Variants in MAPK6 observed in about 807,000 individuals in gnomAD.
MAPK6 encodes mitogen-activated protein kinase 6, also known as ERK-3.
A neutral mutation model predicts 59.3 loss-of-function variants in MAPK6; 19 were observed. That is an observed-to-expected ratio of 0.32 (90% confidence interval 0.22 to 0.47). The LOEUF is 0.47. MAPK6 is among the 20% of genes least tolerant of loss of function. MAPK6 has a pLI of 1.00. For synonymous variants in MAPK6, 316 were observed against 290.3 expected, an observed-to-expected ratio of 1.09 and a Z score of -0.90; for missense variants, 724 against 847.9, an observed-to-expected ratio of 0.85 and a Z score of 1.81.
chr15:52,029,806 GCCA>G (rs1386860498), intron 1 of MAPK6, among the ~76,000 whole-genome samples: 2 of 152,134 alleles, frequency 1.3e-5, no homozygotes, highest in African/African-American at 4.8e-5. Context: ...CTTAGTCTCA[GCCA>G]CCATTATGTC....
At chr15:51,994,109 C>T (rs137864646) in intron 2 of MAPK6, among the ~76,000 whole-genome samples, 4 of 152,082 alleles carry the variant, frequency 2.6e-5, no homozygotes, top group South Asian at 2.1e-4. Context: ...TACAGGCATT[C>T]GCCAACATGC....
chr15:51,987,189 T>G (rs927011587), intron 2 of MAPK6, among the ~76,000 whole-genome samples: 5 of 152,210 alleles, frequency 3.3e-5, no homozygotes, highest in Non-Finnish European at 7.3e-5. Context: ...TTAAGAAAAG[T>G]CTAGATTACT....
At chr15:52,058,224 T>C (rs2032057767) in intron 3 of MAPK6, among the ~76,000 whole-genome samples, 2 of 152,176 alleles carry the variant, frequency 1.3e-5, no homozygotes, top group South Asian at 4.1e-4. Flanking sequence ...GTTTTACAAG[T>C]CTAGTCCAAC....
At chr15:52,031,618 C>G (rs1288107570) in intron 1 of MAPK6, among the ~76,000 whole-genome samples, 2 of 152,000 alleles carry the variant, frequency 1.3e-5, no homozygotes, top group African/African-American at 4.8e-5. Context: ...ATCGCTGGAG[C>G]CCAGGAGTTC....
chr15:52,041,130 C>T (rs768605222), intron 1 of MAPK6, among the ~76,000 whole-genome samples: 2 of 152,104 alleles, frequency 1.3e-5, no homozygotes, highest in Non-Finnish European at 2.9e-5. Flanking sequence ...GTGTGTAGAA[C>T]GTGTAAAAAG....
chr15:52,003,376 C>T (rs2057248447), intron 2 of MAPK6, among the ~76,000 whole-genome samples: 1 of 152,150 alleles, frequency 6.6e-6, no homozygotes, highest in Non-Finnish European at 1.5e-5. Context: ...GACACAGAGC[C>T]AAACCATATC....
At chr15:52,030,611 C>CTTTTTTTTTTTTTTTT (rs11295636) in intron 1 of MAPK6, among the ~76,000 whole-genome samples, 9 of 35,742 alleles carry the variant, frequency 2.5e-4, no homozygotes, top group Admixed American at 1.0e-3. Flanking sequence ...CAGAAGAAGG[C>CTTTTTTTTTTTTTTTT]TTTTTTTTTT....
chr15:51,984,310 T>G (rs1016751934), intron 2 of MAPK6, among the ~76,000 whole-genome samples: 1 of 152,042 alleles, frequency 6.6e-6, no homozygotes, highest in African/African-American at 2.4e-5. Context: ...GAGATGGAGT[T>G]TCGCTCTGTC....
At chr15:51,991,617 A>T (rs2057209026) in intron 2 of MAPK6, among the ~76,000 whole-genome samples, 1 of 152,238 alleles carries the variant, frequency 6.6e-6, no homozygotes, top group Non-Finnish European at 1.5e-5. Flanking sequence ...TTTCCTAAGA[A>T]TGGTAATTAG....
intron 5 of MAPK6, among the ~76,000 whole-genome samples, chr15:52,062,919 G>A (rs1317261428): frequency 6.6e-6 from 1 of 151,932 alleles, no homozygotes; most frequent in Non-Finnish European, 1.5e-5. Context: ...GGCCAAGTTT[G>A]GGAACCACTA....
intron 2 of MAPK6, among the ~76,000 whole-genome samples, chr15:51,988,128 T>G (rs557327373): frequency 1.3e-5 from 2 of 152,260 alleles, no homozygotes; most frequent in Admixed American, 1.3e-4. Context: ...TTTTTTATGT[T>G]TCTCCAAGGT....
At chr15:52,016,066 G>GCA (rs926833047), upstream of MAPK6, among the ~76,000 whole-genome samples, 445 of 44,362 alleles carry the variant, frequency 0.01, 2 homozygotes, top group Admixed American at 0.025. Context: ...GCGCGCGCGC[G>GCA]CGCGCACACA....
intron 3 of MAPK6, chr15:52,056,951 C>T (rs1245437199): frequency 6.6e-6 from 1 of 152,182 alleles, no homozygotes; most frequent in Non-Finnish European, 1.5e-5. Context: ...ACAAAGTTAA[C>T]CTACCCAGAA....
chr15:52,013,808 C>A (rs2030158763), intron 3 of MAPK6, among the ~76,000 whole-genome samples: 1 of 152,174 alleles, frequency 6.6e-6, no homozygotes, highest in Non-Finnish European at 1.5e-5. Flanking sequence ...ACAATAGATT[C>A]TTCTACCTGC....
At chr15:52,033,806 C>G (rs1044707454) in intron 1 of MAPK6, 1 of 151,544 alleles carries the variant, frequency 6.6e-6, no homozygotes, top group African/African-American at 2.4e-5. Context: ...TTTATTTTTT[C>G]CTTATTTTCT....
chr15:52,049,271 C>T (rs1319211404), intron 2 of MAPK6, among the ~76,000 whole-genome samples: 2 of 151,748 alleles, frequency 1.3e-5, no homozygotes, highest in East Asian at 3.9e-4. Flanking sequence ...AGCATACTTG[C>T]TCTTTGATTA....
chr15:52,054,767 T>TA, intron 3 of MAPK6, among the ~76,000 whole-genome samples: 1 of 151,468 alleles, frequency 6.6e-6, no homozygotes, highest in Non-Finnish European at 1.5e-5. Context: ...CATACATAGA[T>TA]ACACACATAC....
chr15:52,061,198 T>C, intron 4 of MAPK6, 101 bp from the exon 5 acceptor site: 1 of 845,304 alleles, frequency 1.2e-6, no homozygotes, highest in Admixed American at 1.9e-5. Flanking sequence ...AGTGCTAAGG[T>C]AATCACTTAG....
chr15:52,048,439 G>A (rs2031665651), intron 2 of MAPK6, among the ~76,000 whole-genome samples: 1 of 151,232 alleles, frequency 6.6e-6, no homozygotes, highest in African/African-American at 2.4e-5. Flanking sequence ...ACAACATGGT[G>A]AAACCCTGTC....
Sources: allele counts gnomAD v4.1 joint callset (sites outside exome capture counted in the v4.1 genomes callset), GRCh38; gene constraint gnomAD v4.1.1; transcripts MANE v1.5; gene names NCBI Gene and HGNC (gene_info 2026-07-23, HGNC 2026-07-21).